The following GTPBP4 variants were observed in gnomAD, a reference collection of about 807,000 sequenced individuals.
The protein encoded by GTPBP4 is GTP binding protein 4.
Under a neutral mutation model 81.7 loss-of-function variants are expected in GTPBP4, and 15 were observed. That is an observed-to-expected ratio of 0.18 (90% CI 0.12 to 0.28). GTPBP4 has a LOEUF of 0.28. GTPBP4 is among the 10% of genes least tolerant of loss of function. GTPBP4 has a pLI of 1.00. For missense variants in GTPBP4, 847 were observed against 793.8 expected (o/e 1.07, Z -0.81); for synonymous variants, 272 against 274.6 (o/e 0.99, Z 0.09).
intron 1 of GTPBP4, among the ~76,000 whole-genome samples, chr10:989,137 T>TTG (rs1831397007): frequency 4.8e-5 from 5 of 103,154 alleles, no homozygotes; most frequent in Admixed American, 2.1e-4. Flanking sequence ...TTTTTTTTTT[T>TTG]GAGACATAGT....
intron 13 of GTPBP4, among the ~76,000 whole-genome samples, chr10:1,011,597 C>T (rs1831875502): frequency 6.6e-6 from 1 of 152,202 alleles, no homozygotes; most frequent in East Asian, 1.9e-4. Flanking sequence ...TGTTGCCACT[C>T]CTTGGTTCCC....
intron 8 of GTPBP4, among the ~76,000 whole-genome samples, chr10:1,002,690 GCTGGCAGT>G (rs1831656711): frequency 1.3e-5 from 2 of 152,096 alleles, no homozygotes; most frequent in South Asian, 4.1e-4. Context: ...AATATAGTTG[GCTGGCAGT>G]CTTCTTTTTT....
chr10:988,703 C>G (rs752426859), intron 1 of GTPBP4, 176 bp downstream of exon 1: 36 of 610,062 alleles, frequency 5.9e-5, no homozygotes, highest in Non-Finnish European at 8.2e-5. Context: ...CCAGCAGAAT[C>G]CGGGGTCCAC....
chr10:988,845 G>C (rs1472432462), intron 1 of GTPBP4: 1 of 304,582 alleles, frequency 3.3e-6, no homozygotes. Flanking sequence ...ATGTGGGCGA[G>C]TGGAGGGGGA....
chr10:1,017,052 T>G (rs1329262302), intron 16 of GTPBP4, 23 bp from the exon 17 acceptor site: 1 of 1,599,676 alleles, frequency 6.3e-7, no homozygotes, highest in South Asian at 1.1e-5. Flanking sequence ...TGAACATACT[T>G]TATTTTTTTC....
At chr10:998,032 A>G (rs1014396227) in intron 5 of GTPBP4, among the ~76,000 whole-genome samples, 1 of 152,152 alleles carries the variant, frequency 6.6e-6, no homozygotes, top group Non-Finnish European at 1.5e-5. Context: ...AAATGGTCAA[A>G]TTTTATGGCT....
chr10:1,017,041 A>T, intron 16 of GTPBP4, 34 bp from the exon 17 acceptor site: 4 of 1,583,764 alleles, frequency 2.5e-6, no homozygotes, highest in Non-Finnish European at 3.5e-6. Context: ...GTTTTAAGTA[A>T]TGAACATACT....
At chr10:996,593 T>C (rs7071250) in intron 4 of GTPBP4, 32,470 of 169,202 alleles carry the variant, frequency 0.19, 3,240 homozygotes, top group East Asian at 0.3. Context: ...TCTGAATTAA[T>C]GTACTAGGAT....
At chr10:1,003,735 T>C (rs1433609431) in intron 8 of GTPBP4, among the ~76,000 whole-genome samples, 1 of 152,208 alleles carries the variant, frequency 6.6e-6, no homozygotes, top group East Asian at 1.9e-4. Flanking sequence ...TGTATGTTTT[T>C]AAGGTCCTTG....
intron 4 of GTPBP4, 151 bp from the exon 5 acceptor site, chr10:997,057 C>T: frequency 3.0e-6 from 2 of 658,634 alleles, no homozygotes; most frequent in Middle Eastern, 4.2e-4. Context: ...CTATTACTTT[C>T]TGCAACTATT....
In GTPBP4 at chr10:1,019,383, A is replaced by G. The variant is rs1832047607; in HGVS notation, c.*2156A>G. On this transcript the variant is annotated 3_prime_UTR_variant, in exon 17 of 17. Transcript: ENST00000360803. ...ATGACAAAGTTGATGAAAAGGTTGA[A>G]ATAGTGATTTATACATGATGGGCAA... 4.9e-6 allele frequency: 3 copies of G among 616,364 alleles called. No homozygotes were observed. Among genetic ancestry groups the G allele is most frequent in the Non-Finnish European group, 8.3e-6 (3 of 359,306 alleles). The allele number at this position is 616,364 out of a possible 1,614,324, so 38.2% of individuals were successfully genotyped here.
At position 1,003,537 on chromosome 10, in the gene GTPBP4, T is replaced by C. The variant is rs191629436; in HGVS notation, c.913-2281T>C. Among the ~76,000 whole-genome samples, 13 of 152,284 alleles carry C rather than the reference T, an allele frequency of 8.5e-5. No homozygotes were observed. The East Asian group carries it at 2.5e-3, about 29-fold the overall frequency. ...AACAGGAGCCTCTTTTATACTTTCT[T>C]CTAGAGTGGCTTTCATGGAGAGGTT... On this transcript the variant is annotated intron_variant, in intron 8 of 16. Coordinates refer to ENST00000360803, the MANE Select transcript of GTPBP4 (RefSeq NM_012341.3).
rs1177330441 is a variant in GTPBP4, at chr10:1,018,126, T to A, written c.*899T>A. 6.6e-6 allele frequency: 1 copy of A among 152,238 alleles called. No individual in the cohort carries two copies. Among genetic ancestry groups the A allele is most frequent in the Admixed American group, 6.5e-5 (1 of 15,278 alleles). 9.4% of individuals were successfully genotyped at this position (152,238 alleles called of 1,614,324 possible). A position where few individuals can be genotyped will look rare whatever the true frequency, so the allele number is the denominator to read the frequency against. On this transcript the variant is annotated 3_prime_UTR_variant, in exon 17 of 17. Transcript: ENST00000360803. ...ACTTCTGGATTACATGTGGCAATTT[T>A]AAAAATTTACCAGGGCTGGGCTGGG...
At chr10:1,003,387 C>T (rs1831673025) in intron 8 of GTPBP4, among the ~76,000 whole-genome samples, 1 of 152,144 alleles carries the variant, frequency 6.6e-6, no homozygotes, top group Non-Finnish European at 1.5e-5. Context: ...CTCTTTCTGG[C>T]AATTCATTGA....
At chr10:996,335 T>G in intron 4 of GTPBP4, 93 bp downstream of exon 4, 1 of 1,142,582 alleles carries the variant, frequency 8.8e-7, no homozygotes. Flanking sequence ...TTCTTGTATT[T>G]TGGAGATGAC....
rs1422651814 is a variant in GTPBP4, at chr10:1,000,747, C to G, written c.725C>G (p.Thr242Ser). 7.5e-6 allele frequency: 12 copies of G among 1,600,168 alleles called. No individual in the cohort carries two copies. The highest frequency in any genetic ancestry group is 1.7e-4 in the Middle Eastern group (1 of 5,994). ...AACACCATCGAGATGCAGGCCATCACTGCCCTGGCCCACCTCCGTGCTGCG... is the reference window on the plus strand; with the variant it reads ...AACACCATCGAGATGCAGGCCATCAGTGCCCTGGCCCACCTCCGTGCTGCG... ...DRNTIEMQAI[T>S]ALAHLRAAVL... The change falls in exon 7 of 17, where the codon ACT becomes AGT. Residue 242 changes from threonine to serine, a missense_variant. By Grantham distance (58) the Thr-to-Ser change is moderately conservative. This residue lies in a region of GTPBP4 where 600 missense variants were observed against 557.1 expected (regional missense o/e 1.08). Transcript: ENST00000360803.
chr10:999,653 T>A (rs1831589582), intron 6 of GTPBP4, among the ~76,000 whole-genome samples: 1 of 152,208 alleles, frequency 6.6e-6, no homozygotes, highest in Non-Finnish European at 1.5e-5. Context: ...AAATGGCATA[T>A]ATACAGTTTA....
intron 14 of GTPBP4, among the ~76,000 whole-genome samples, chr10:1,013,114 G>A (rs1012890022): frequency 6.6e-6 from 1 of 151,708 alleles, no homozygotes; most frequent in African/African-American, 2.4e-5. Context: ...CTCCCGAGTA[G>A]CTGGGATTAC....
intron 15 of GTPBP4, among the ~76,000 whole-genome samples, chr10:1,015,486 C>CA (rs1564472298): frequency 9.1e-6 from 1 of 109,772 alleles, no homozygotes; most frequent in Non-Finnish European, 1.8e-5. Flanking sequence ...GAGCGCTGAG[C>CA]CTGGGAGTGG....
Sources: allele counts gnomAD v4.1 joint callset (sites outside exome capture counted in the v4.1 genomes callset), GRCh38; gene constraint gnomAD v4.1.1; regional missense constraint gnomAD v4.1.1; transcripts MANE v1.5; gene names NCBI Gene and HGNC (gene_info 2026-07-23, HGNC 2026-07-21).